The following PHACTR1 variants were observed in gnomAD, a reference collection of about 807,000 sequenced individuals.
The protein encoded by PHACTR1 is phosphatase and actin regulator 1, also known as RPEL repeat containing 1.
PHACTR1 carries 16 observed loss-of-function variants against 69.2 expected under a neutral mutation model. The ratio of observed to expected loss-of-function variants is 0.23; its 90% CI spans 0.16 to 0.35. PHACTR1 has a LOEUF of 0.35. Among genes scored for constraint, PHACTR1 ranks in the 10% least tolerant of loss-of-function variants. The pLI, the probability that PHACTR1 is intolerant of heterozygous loss-of-function variation, is 1.00. For synonymous variants in PHACTR1, 312 were observed against 284.5 expected, an observed-to-expected ratio of 1.10 and a Z score of -0.97; for missense variants, 510 against 734.7, an observed-to-expected ratio of 0.69 and a Z score of 3.54.
At chr6:13,169,791 G>A (rs1242914526) in intron 6 of PHACTR1, among the ~76,000 whole-genome samples, 1 of 152,198 alleles carries the variant, frequency 6.6e-6, no homozygotes, top group Non-Finnish European at 1.5e-5. Context: ...CAGGGTGTAA[G>A]TTAAGATGCT....
intron 7 of PHACTR1, among the ~76,000 whole-genome samples, chr6:13,199,157 G>A (rs1243352035): frequency 6.6e-6 from 1 of 152,144 alleles, no homozygotes; most frequent in Non-Finnish European, 1.5e-5. Context: ...GGAGGCCAAG[G>A]CAGGTGGATC....
intron 5 of PHACTR1, among the ~76,000 whole-genome samples, chr6:13,085,717 G>T (rs951762865): frequency 3.3e-4 from 50 of 152,094 alleles, no homozygotes; most frequent in African/African-American, 1.1e-3. Flanking sequence ...TGATTAACAA[G>T]CTGTAAGACA....
chr6:13,232,783 G>A (rs1771427651), intron 10 of PHACTR1, among the ~76,000 whole-genome samples: 2 of 152,118 alleles, frequency 1.3e-5, no homozygotes, highest in African/African-American at 4.8e-5. Context: ...GTGGTTCTGG[G>A]CTACTCCTGA....
At chr6:13,065,777 A>G (rs1808532809) in intron 5 of PHACTR1, among the ~76,000 whole-genome samples, 1 of 152,144 alleles carries the variant, frequency 6.6e-6, no homozygotes, top group African/African-American at 2.4e-5. Flanking sequence ...ATTTGCACAC[A>G]TTTTTCAGCA....
intron 6 of PHACTR1, among the ~76,000 whole-genome samples, chr6:13,178,616 C>T (rs902192887): frequency 7.9e-5 from 12 of 152,248 alleles, no homozygotes; most frequent in African/African-American, 2.4e-4. Flanking sequence ...GAACCACTGT[C>T]TTAACCCATG....
In PHACTR1 at chr6:13,101,367, T is replaced by C. The variant is rs1052110714; in HGVS notation, c.415+47838T>C. Among the ~76,000 whole-genome samples, 11 of 152,174 alleles carry C rather than the reference T, an allele frequency of 7.2e-5. No individual in the cohort carries two copies. In the South Asian group the frequency reaches 1.4e-3, roughly 20 times the overall value. On this transcript the variant is annotated intron_variant, in intron 5 of 14. Transcript: ENST00000332995. ...TTATTAACCCCACTTCCCAAGACCA[T>C]TGCACTAGGGATTAAGTTCCCAACA... is the stretch of plus-strand genomic sequence containing the variant.
At chr6:12,951,388 A>G (rs1206334398) in intron 4 of PHACTR1, among the ~76,000 whole-genome samples, 1 of 152,230 alleles carries the variant, frequency 6.6e-6, no homozygotes, top group East Asian at 1.9e-4. Context: ...TCTCCATACA[A>G]AGACCCTTAG....
chr6:13,004,883 C>T lies in PHACTR1; in HGVS notation c.251-48482C>T, dbSNP rs187061426. ...AAGGGAAACACCTCAAACCTTGTAA[C>T]CATTGTAAGCATTAAGTGATAAAAT... On this transcript the variant is annotated intron_variant, in intron 4 of 14. Transcript: ENST00000332995. 2.0e-5 allele frequency among the ~76,000 whole-genome samples: 3 copies of T among 152,052 alleles called. No individual in the cohort carries two copies. In the East Asian group the frequency reaches 5.8e-4, roughly 29 times the overall value.
intron 5 of PHACTR1, among the ~76,000 whole-genome samples, chr6:13,084,733 G>C (rs1474472027): frequency 6.6e-6 from 1 of 151,952 alleles, no homozygotes; most frequent in Non-Finnish European, 1.5e-5. Flanking sequence ...TATAAGAAGA[G>C]GGGGTGGCGT....
intron 4 of PHACTR1, among the ~76,000 whole-genome samples, chr6:12,788,210 C>A (rs969654230): frequency 1.3e-5 from 2 of 150,738 alleles, no homozygotes; most frequent in African/African-American, 2.5e-5. Flanking sequence ...CACCACAGAC[C>A]CACGCTTCCC....
chr6:13,128,607 A>G (rs1231040954), intron 5 of PHACTR1, among the ~76,000 whole-genome samples: 1 of 151,788 alleles, frequency 6.6e-6, no homozygotes, highest in Non-Finnish European at 1.5e-5. Flanking sequence ...AAAGACAATG[A>G]AAAAAAATTT....
intron 4 of PHACTR1, among the ~76,000 whole-genome samples, chr6:12,856,504 C>G (rs895422315): frequency 1.3e-5 from 2 of 152,174 alleles, no homozygotes; most frequent in Non-Finnish European, 1.5e-5. Context: ...GATCCGTCCA[C>G]CTCAGCCTTC....
At chr6:13,195,895 C>A (rs1764341764) in intron 7 of PHACTR1, among the ~76,000 whole-genome samples, 1 of 151,692 alleles carries the variant, frequency 6.6e-6, no homozygotes, top group African/African-American at 2.4e-5. Context: ...GTCATCTTTG[C>A]TTTTTCTTTC....
chr6:12,809,168 G>A (rs771114875), intron 4 of PHACTR1, among the ~76,000 whole-genome samples: 1 of 152,132 alleles, frequency 6.6e-6, no homozygotes, highest in Non-Finnish European at 1.5e-5. Flanking sequence ...TGTTACAGGA[G>A]TAAGCCACCA....
chr6:12,992,704 A>G (rs1796952736), intron 4 of PHACTR1, among the ~76,000 whole-genome samples: 1 of 152,214 alleles, frequency 6.6e-6, no homozygotes, highest in Admixed American at 6.5e-5. Flanking sequence ...TTAAGAGCAG[A>G]GGTTTGATAG....
chr6:12,724,989 G>A (rs192648838), intron 3 of PHACTR1, among the ~76,000 whole-genome samples: 24 of 152,182 alleles, frequency 1.6e-4, no homozygotes, highest in Admixed American at 4.6e-4. Flanking sequence ...AGGCTCAGTC[G>A]TCACTGTTAC....
chr6:13,206,409 G>C (rs527913354), intron 8 of PHACTR1, among the ~76,000 whole-genome samples: 2 of 152,284 alleles, frequency 1.3e-5, no homozygotes, highest in South Asian at 4.1e-4. Flanking sequence ...ACAGTCCTCA[G>C]TGTCATTAGT....
chr6:12,917,021 T>C (rs1485919449), intron 4 of PHACTR1, among the ~76,000 whole-genome samples: 1 of 152,234 alleles, frequency 6.6e-6, no homozygotes, highest in East Asian at 1.9e-4. Flanking sequence ...TGAAGGATAC[T>C]ATTACCTTTT....
intron 5 of PHACTR1, among the ~76,000 whole-genome samples, chr6:13,084,049 A>G (rs1272415014): frequency 6.6e-6 from 1 of 152,162 alleles, no homozygotes; most frequent in Admixed American, 6.6e-5. Flanking sequence ...ATTATAAATC[A>G]TGCTGCTATA....
Sources: gnomAD v4.1 joint callset for allele counts (sites outside exome capture counted in the v4.1 genomes callset) on GRCh38, gnomAD v4.1.1 for gene constraint, MANE v1.5 for transcripts, NCBI Gene and HGNC (gene_info 2026-07-23, HGNC 2026-07-21) for gene names.